LAMA5: variants seen among roughly 807,000 people sequenced by gnomAD.
LAMA5 encodes the protein laminin subunit alpha 5.
Under a neutral mutation model 433.4 loss-of-function variants are expected in LAMA5, and 260 were observed. The ratio of observed to expected loss-of-function variants is 0.60; its 90% CI spans 0.54 to 0.66. The LOEUF (loss-of-function observed/expected upper bound fraction) is 0.66, where lower values mean the gene tolerates loss of function less well. Among genes scored for constraint, LAMA5 ranks in the 30% least tolerant of loss-of-function variants. The probability of loss-of-function intolerance (pLI) is 0.00; values close to 1 mark genes in which losing one functional copy is unlikely to be tolerated. For missense variants in LAMA5, 5,378 were observed against 5,258.5 expected (o/e 1.02, Z -0.70); for synonymous variants, 2,620 against 2,226.6 (o/e 1.18, Z -4.97).
At chr20:62,354,009 A>G (rs13041413) in intron 2 of LAMA5, among the ~76,000 whole-genome samples, 2 of 152,162 alleles carry the variant, frequency 1.3e-5, no homozygotes, top group East Asian at 3.9e-4. Flanking sequence ...AGCCCTGCCC[A>G]GGGCAGAGGA....
intron 69 of LAMA5, 21 bp from the exon 70 acceptor site, chr20:62,312,071 AG>A (rs1986334421): frequency 6.2e-7 from 1 of 1,610,140 alleles, no homozygotes; most frequent in Admixed American, 1.7e-5. Flanking sequence ...CAGCCAGGTC[AG>A]CCGGCCGGCC....
intron 3 of LAMA5, 35 bp downstream of exon 3, chr20:62,353,099 C>T (rs1367309623): frequency 6.7e-7 from 1 of 1,483,486 alleles, no homozygotes; most frequent in Non-Finnish European, 9.2e-7. Context: ...ACCCCCCTGC[C>T]TCTCCCCCCA....
At chr20:62,353,477 T>C in intron 2 of LAMA5, 1 of 489,236 alleles carries the variant, frequency 2.0e-6, no homozygotes, top group Non-Finnish European at 3.6e-6. Context: ...CTGGAAGGGC[T>C]CCCCGCCTGG....
intron 40 of LAMA5, chr20:62,326,457 C>A: frequency 3.8e-6 from 2 of 533,098 alleles, no homozygotes; most frequent in Non-Finnish European, 6.7e-6. Flanking sequence ...ATCAGGGACT[C>A]ACAAAGCAGG....
At chr20:62,341,083 A>G (rs531940721) in intron 11 of LAMA5, among the ~76,000 whole-genome samples, 1 of 127,506 alleles carries the variant, frequency 7.8e-6, no homozygotes, top group Non-Finnish European at 1.8e-5. Flanking sequence ...AATAAATAAA[A>G]TTAAAAAATA....
chr20:62,332,654 C>T lies in LAMA5; in HGVS notation c.3346G>A (p.Ala1116Thr), dbSNP rs755003891. 3.5e-5 allele frequency: 56 copies of T among 1,609,564 alleles called. No homozygotes were observed. Among genetic ancestry groups the T allele is most frequent in the Non-Finnish European group, 4.4e-5 (52 of 1,178,700 alleles). Reference protein sequence around the residue: ...PGRYALVVEYANEDARQEVGV... With the variant: ...PGRYALVVEYTNEDARQEVGV... Reference sequence around the variant, plus strand: ...ACCTCCTGGCGGGCATCCTCATTGGCGTACTCCACCACTAGGGCATAGCGG... The same window carrying T: ...ACCTCCTGGCGGGCATCCTCATTGGTGTACTCCACCACTAGGGCATAGCGG... Residue 1116 changes from alanine to threonine, a missense_variant, in exon 27 of 80, where the codon GCC (alanine) becomes ACC (threonine). Coordinates refer to ENST00000252999, the MANE Select transcript of LAMA5 (RefSeq NM_005560.6).
Position 62,333,168 on chromosome 20 carries a change from G to A in LAMA5, c.3204C>T (p.Asp1068=), listed in dbSNP as rs770543150. 1 of 1,518,852 alleles carries A rather than the reference G, an allele frequency of 6.6e-7. No homozygotes were observed. Among genetic ancestry groups the A allele is most frequent in the Non-Finnish European group, 8.8e-7 (1 of 1,134,886 alleles). The allele number at this position is 1,518,852 out of a possible 1,614,324, so 94.1% of individuals were successfully genotyped here. A position where few individuals can be genotyped will look rare whatever the true frequency, so the allele number is the denominator to read the frequency against. Reference sequence around the variant, plus strand: ...TGGGGCAGGGCCGGGGCAGGCTGTTGTCCTGGCGACACAGGGCCTCCAGCC... The same window carrying A: ...TGGGGCAGGGCCGGGGCAGGCTGTTATCCTGGCGACACAGGGCCTCCAGCC... ...AAGLEALCRQ[D]NSLPRPCPTE... The change falls in exon 26 of 80, where the codon GAC becomes GAT. Residue 1068 remains aspartate (D), a synonymous_variant. Coordinates refer to ENST00000252999, the MANE Select transcript of LAMA5 (RefSeq NM_005560.6).
In LAMA5 at chr20:62,324,587, ATTGAGAG is replaced by A. The variant is rs1978933129; in HGVS notation, c.5530-40_5530-34del. 4 of 1,514,274 alleles carry A rather than the reference ATTGAGAG, an allele frequency of 2.6e-6. No homozygotes were observed. In the African/African-American group the frequency reaches 5.5e-5, roughly 21 times the overall value. 93.8% of individuals were successfully genotyped at this position (1,514,274 alleles called of 1,614,324 possible). The stretch of plus-strand genomic sequence containing the variant: ...TGTACGGGGGCAGGTGGCATCAGCG[ATTGAGAG>A]GACGAGGGGCCCCACCCTGCAAGCT... On this transcript the variant is annotated intron_variant, in intron 41 of 79. Coordinates refer to ENST00000252999, the MANE Select transcript of LAMA5 (RefSeq NM_005560.6). The surrounding 1 kb of genome is among the most constrained non-coding windows in gnomAD (Gnocchi z 4.4).
At position 62,310,511 on chromosome 20, in the gene LAMA5, G is replaced by C. The variant is rs774713245; in HGVS notation, c.10508C>G (p.Ala3503Gly). The C allele has an allele frequency of 6.4e-7, 1 of 1,554,934 alleles. No homozygotes were observed. Among genetic ancestry groups the C allele is most frequent in the African/African-American group, 1.4e-5 (1 of 72,566 alleles). The change falls in exon 76 of 80, where the codon GCC (alanine) becomes GGC (glycine). Residue 3503 changes from alanine (A) to glycine (G), a missense_variant. Ala to Gly is a moderately conservative substitution (Grantham distance 60). Transcript: ENST00000252999. ...RLRLHGRPLG[A>G]PTRMAGVTPC... is the part of the protein sequence containing the mutation. Reference sequence around the variant, plus strand: ...TGTGACCCCTGCCATCCGTGTGGGGGCCCCCAGGGGCCTCCCGTGCAGCCT... The same window carrying C: ...TGTGACCCCTGCCATCCGTGTGGGGCCCCCCAGGGGCCTCCCGTGCAGCCT...
intron 1 of LAMA5, among the ~76,000 whole-genome samples, chr20:62,366,478 T>C (rs750345463): frequency 6.6e-6 from 1 of 152,176 alleles, no homozygotes; most frequent in Non-Finnish European, 1.5e-5. Flanking sequence ...CTCGAGTCCC[T>C]AGACTCCTCC....
chr20:62,309,970 C>T lies in LAMA5; in HGVS notation c.10828+18G>A, dbSNP rs1986034248. ...GGGTGGGGGTGGCAGAGTGCCCTGG[C>T]CACAGGAGGGGCCTCACCCGCTAGC... On this transcript the variant is annotated intron_variant, in intron 78 of 79. Coordinates refer to ENST00000252999, the MANE Select transcript of LAMA5 (RefSeq NM_005560.6). 6.2e-7 allele frequency: 1 copy of T among 1,608,874 alleles called. No homozygotes were observed. The highest frequency in any genetic ancestry group is 8.5e-7 in the Non-Finnish European group (1 of 1,179,080).
intron 1 of LAMA5, among the ~76,000 whole-genome samples, chr20:62,363,751 A>C (rs1986417741): frequency 6.6e-6 from 1 of 151,982 alleles, no homozygotes; most frequent in Non-Finnish European, 1.5e-5. Context: ...TAGGAGGAGG[A>C]GGCAGGAGCT....
Position 62,318,483 on chromosome 20 carries a change from G to C in LAMA5, c.7210C>G (p.Arg2404Gly), listed in dbSNP as rs147913341. ...GCTTCCTCCAGGCGCTCCTGGTTGC[G>C]GCTGTTGAGCTCCTGGGCCTCCCGT... ...ATREAQELNSRNQERLEEALQ... is the reference protein window; with the variant it reads ...ATREAQELNSGNQERLEEALQ... Residue 2404 changes from arginine (R) to glycine (G), a missense_variant, in exon 53 of 80, where the codon CGC (arginine) becomes GGC (glycine). Physicochemically the swap from Arg to Gly is moderately radical, Grantham distance 125. Coordinates refer to ENST00000252999, the MANE Select transcript of LAMA5 (RefSeq NM_005560.6). The C allele has an allele frequency of 1.9e-6, 3 of 1,606,170 alleles. No individual in the cohort carries two copies. Among genetic ancestry groups the C allele is most frequent in the Non-Finnish European group, 2.5e-6 (3 of 1,178,030 alleles).
In LAMA5 at chr20:62,318,568, G is replaced by T; in HGVS notation, c.7125C>A (p.Ala2375=). 6.2e-7 allele frequency: 1 copy of T among 1,610,450 alleles called. No homozygotes were observed. Among genetic ancestry groups the T allele is most frequent in the South Asian group, 1.1e-5 (1 of 91,068 alleles). Residue 2375 remains alanine (A), a synonymous_variant, in exon 53 of 80, where the codon GCC becomes GCA. Transcript: ENST00000252999. ...ALATQTRDRL[A]QHEAGLMDLR... ...GGTCCATGAGGCCGGCCTCGTGCTG[G>T]GCCAGCCGGTCGCGGGTTTGTGTGG...
At position 62,314,411 on chromosome 20, in the gene LAMA5, CAG is replaced by C; in HGVS notation, c.8395_8396del (p.Leu2799AlafsTer2). The part of the protein sequence containing the change: ...QATGDYMGVS[L>X]RDKKVHWVYQ... ...ACACCCAGTGCACCTTCTTGTCACGCAGAGACACACCCATGTAGTCCCCAGTG... is the reference window on the plus strand; with the variant it reads ...ACACCCAGTGCACCTTCTTGTCACGCAGACACACCCATGTAGTCCCCAGTG... On this transcript the variant is annotated frameshift_variant, in exon 62 of 80. Transcript: ENST00000252999. LOFTEE classifies it high-confidence loss of function. The C allele has an allele frequency of 6.2e-7, 1 of 1,613,502 alleles. No individual in the cohort carries two copies. Among genetic ancestry groups the C allele is most frequent in the Non-Finnish European group, 8.5e-7 (1 of 1,179,948 alleles).
rs1389158661 is a variant in LAMA5 at position 62,328,255 on chromosome 20, G to A, written c.4638C>T (p.Asp1546=). 11 of 1,606,392 alleles carry A rather than the reference G, an allele frequency of 6.8e-6. No individual in the cohort carries two copies. The highest frequency in any genetic ancestry group is 9.3e-6 in the Non-Finnish European group (11 of 1,176,980). The change falls in exon 35 of 80, where the codon GAC becomes GAT. Residue 1546 remains aspartate, a synonymous_variant. Transcript: ENST00000252999. The stretch of plus-strand genomic sequence containing the variant: ...TGGGCTCTCACTTGCACTGGCCGCT[G>A]TCTGTGTCACAGGTAGGGTCTGTGA... The part of the protein sequence containing the change: ...QELTDPTCDT[D]SGQCKCRPNV...
At chr20:62,331,508 TCCTCCCCCTCGC>T (rs1208208843) in intron 28 of LAMA5, among the ~76,000 whole-genome samples, 1 of 151,654 alleles carries the variant, frequency 6.6e-6, no homozygotes, top group Admixed American at 6.6e-5. Context: ...ATAGCCCTCT[TCCTCCCCCTCGC>T]CCTCCCATCC....
Position 62,333,495 on chromosome 20 carries a change from G to A in LAMA5, c.3022-14C>T. 1 of 1,607,298 alleles carries A rather than the reference G, an allele frequency of 6.2e-7. No homozygotes were observed. Among genetic ancestry groups the A allele is most frequent in the Non-Finnish European group, 8.5e-7 (1 of 1,177,534 alleles). ...AACCACGTAGTCCTGCAGGGTGGAGGTGGTGCTGAGAGTGGTGGGCCCCAC... is the reference window on the plus strand; with the variant it reads ...AACCACGTAGTCCTGCAGGGTGGAGATGGTGCTGAGAGTGGTGGGCCCCAC... On this transcript the variant is annotated splice_polypyrimidine_tract_variant and intron_variant, in intron 24 of 79. Coordinates refer to ENST00000252999, the MANE Select transcript of LAMA5 (RefSeq NM_005560.6).
At chr20:62,327,040 G>C (rs1484591393) in intron 38 of LAMA5, 74 bp from the exon 39 acceptor site, 1 of 1,219,280 alleles carries the variant, frequency 8.2e-7, no homozygotes, top group African/African-American at 1.5e-5. Flanking sequence ...CAGTGGTCTG[G>C]GCACCCCCAG....
Sources: allele counts gnomAD v4.1 joint callset (sites outside exome capture counted in the v4.1 genomes callset), GRCh38; gene constraint gnomAD v4.1.1; non-coding constraint Gnocchi (gnomAD v3.1); transcripts MANE v1.5; gene names NCBI Gene and HGNC (gene_info 2026-07-23, HGNC 2026-07-21).